Variants in FLT1 observed in about 807,000 individuals in gnomAD.
FLT1 encodes fms related receptor tyrosine kinase 1.
In FLT1, 49 loss-of-function variants were observed where a neutral mutation model predicts 156.3. The observed-to-expected ratio is 0.31, with a 90% CI of 0.25 to 0.40. The LOEUF is 0.40. FLT1 is among the 10% of genes least tolerant of loss of function. The pLI, the probability that FLT1 is intolerant of heterozygous loss-of-function variation, is 1.00. For synonymous variants in FLT1, 594 were observed against 583.8 expected, an observed-to-expected ratio of 1.02 and a Z score of -0.25; for missense variants, 1,322 against 1,637.2, an observed-to-expected ratio of 0.81 and a Z score of 3.32.
intron 7 of FLT1, 126 bp downstream of exon 7, chr13:28,431,010 G>C: frequency 1.2e-6 from 1 of 850,522 alleles, no homozygotes; most frequent in Admixed American, 1.8e-5. Context: ...GGGAACCATG[G>C]CCAAGCTGTA....
At chr13:28,389,204 AT>A (rs1874551384) in intron 13 of FLT1, 2 of 1,097,148 alleles carry the variant, frequency 1.8e-6, no homozygotes, top group Non-Finnish European at 2.2e-6. Context: ...TCCAGGTGCT[AT>A]TTACAAATCA....
intron 1 of FLT1, among the ~76,000 whole-genome samples, chr13:28,477,319 A>G (rs965450406): frequency 1.3e-5 from 2 of 152,290 alleles, no homozygotes; most frequent in African/African-American, 4.8e-5. Flanking sequence ...ATCAGAGTTA[A>G]TTAAGGTTGG....
rs754931191 is a variant in FLT1 at position 28,322,249 on chromosome 13, C to T, written c.3051+13G>A. Reference sequence around the variant, plus strand: ...CCTGGCAGAGAAGAAAAACAGTAAACAGCAAGACTGACCTTTCTGGAAGAC... The same window carrying T: ...CCTGGCAGAGAAGAAAAACAGTAAATAGCAAGACTGACCTTTCTGGAAGAC... On this transcript the variant is annotated intron_variant, in intron 22 of 29. Transcript: ENST00000282397. This position sits in a 1 kb window ranked among gnomAD's most constrained non-coding sequence, Gnocchi z 4.3. 1 of 1,533,642 alleles carries T rather than the reference C, an allele frequency of 6.5e-7. No homozygotes were observed. The highest frequency in any genetic ancestry group is 1.7e-5 in the Admixed American group (1 of 59,916).
rs187051453 is a variant in FLT1, at chr13:28,312,665, G to A, written c.3387-567C>T. ...CCTCACACCTCCCTTTATGGGCTCA[G>A]CAGTGGAGACTGGTGGGGAAGGTCC... On this transcript the variant is annotated intron_variant, in intron 25 of 29. Transcript: ENST00000282397. Among the ~76,000 whole-genome samples the A allele has an allele frequency of 5.9e-5, 9 of 152,300 alleles. 1 individual carries two copies. The highest frequency in any genetic ancestry group is 2.0e-4 in the Admixed American group (3 of 15,298).
chr13:28,343,175 G>C (rs1276675882), intron 16 of FLT1, among the ~76,000 whole-genome samples: 1 of 152,046 alleles, frequency 6.6e-6, no homozygotes, highest in Non-Finnish European at 1.5e-5. Flanking sequence ...TAGAGACGGG[G>C]TTTCACCATG....
chr13:28,370,560 G>A (rs1028700333), intron 14 of FLT1, among the ~76,000 whole-genome samples: 7 of 152,160 alleles, frequency 4.6e-5, no homozygotes, highest in African/African-American at 1.4e-4. Context: ...AAAAACACAC[G>A]TATTTCTAAA....
chr13:28,485,277 A>G (rs955591664), intron 1 of FLT1, among the ~76,000 whole-genome samples: 2 of 152,010 alleles, frequency 1.3e-5, no homozygotes, highest in Non-Finnish European at 2.9e-5. Context: ...GGCCTCTATG[A>G]TAAGAGCCCC....
intron 1 of FLT1, among the ~76,000 whole-genome samples, chr13:28,476,651 T>C (rs986390632): frequency 6.6e-6 from 1 of 152,210 alleles, no homozygotes; most frequent in Non-Finnish European, 1.5e-5. Flanking sequence ...AACTATTAGA[T>C]TCAATATGTG....
chr13:28,490,029 G>A (rs1169846285), intron 1 of FLT1, among the ~76,000 whole-genome samples: 3 of 152,202 alleles, frequency 2.0e-5, no homozygotes, highest in Non-Finnish European at 2.9e-5. Flanking sequence ...TTCCGTCTGG[G>A]GAAGAGGAAA....
In FLT1 at chr13:28,322,722, A is replaced by C. The variant is rs1484216766; in HGVS notation, c.2953+68T>G. 2.2e-5 allele frequency: 32 copies of C among 1,488,010 alleles called. No homozygotes were observed. The Admixed American group carries it at 2.3e-4, about 11-fold the overall frequency. The allele number at this position is 1,488,010 out of a possible 1,614,324, so 92.2% of individuals were successfully genotyped here. Reference sequence around the variant, plus strand: ...TATTAGAGTGATAAATAAGAAAAAAATTTCAGAGATGCATAGTATGTTGTA... The same window carrying C: ...TATTAGAGTGATAAATAAGAAAAAACTTTCAGAGATGCATAGTATGTTGTA... On this transcript the variant is annotated intron_variant, in intron 21 of 29. Transcript: ENST00000282397. This position sits in a 1 kb window ranked among gnomAD's most constrained non-coding sequence, Gnocchi z 4.3.
chr13:28,388,704 G>A, intron 13 of FLT1: 1 of 1,056,888 alleles, frequency 9.5e-7, no homozygotes, highest in Non-Finnish European at 1.1e-6. Flanking sequence ...TGGGGAAAGT[G>A]GACTTTTTTA....
chr13:28,460,996 T>G (rs1216417876), intron 3 of FLT1, among the ~76,000 whole-genome samples: 1 of 152,160 alleles, frequency 6.6e-6, no homozygotes, highest in African/African-American at 2.4e-5. Context: ...AGGGTTTCAC[T>G]ACGTTGCCCA....
At chr13:28,312,147 T>C (rs764162034) in intron 25 of FLT1, 49 bp from the exon 26 acceptor site, 1 of 1,149,340 alleles carries the variant, frequency 8.7e-7, no homozygotes, top group South Asian at 1.2e-5. Context: ...GTGATCATCC[T>C]ATGCATTGCC....
At chr13:28,387,760 T>C in intron 13 of FLT1, 2 of 1,015,406 alleles carry the variant, frequency 2.0e-6, no homozygotes, top group Non-Finnish European at 2.3e-6. Context: ...CAGGGTAACA[T>C]ACCCCTAGGG....
At chr13:28,318,177 C>T (rs565025140) in intron 24 of FLT1, among the ~76,000 whole-genome samples, 1 of 152,270 alleles carries the variant, frequency 6.6e-6, no homozygotes, top group South Asian at 2.1e-4. Flanking sequence ...ACATAGGAAT[C>T]ATTCACACTT....
At chr13:28,346,666 T>G (rs1565980127) in intron 15 of FLT1, among the ~76,000 whole-genome samples, 2 of 152,106 alleles carry the variant, frequency 1.3e-5, no homozygotes, top group Non-Finnish European at 2.9e-5. Flanking sequence ...GCTATGATTG[T>G]GCCACTGAAC....
chr13:28,428,442 A>T (rs1252802167), intron 8 of FLT1, among the ~76,000 whole-genome samples: 2 of 152,048 alleles, frequency 1.3e-5, no homozygotes, highest in East Asian at 3.9e-4. Context: ...GACTATCAAG[A>T]TTTTTCCTCT....
At chr13:28,431,340 A>G in intron 6 of FLT1, 30 bp from the exon 7 acceptor site, 1 of 1,511,444 alleles carries the variant, frequency 6.6e-7, no homozygotes, top group Non-Finnish European at 9.2e-7. Flanking sequence ...CAAATGTAGA[A>G]GGAGTGAGTG....
intron 10 of FLT1, among the ~76,000 whole-genome samples, chr13:28,416,452 C>G (rs980457225): frequency 3.3e-5 from 5 of 152,184 alleles, no homozygotes; most frequent in African/African-American, 9.6e-5. Flanking sequence ...CTTTCAATTG[C>G]CTGGTTGATG....
Sources: gnomAD v4.1 joint callset for allele counts (sites outside exome capture counted in the v4.1 genomes callset) on GRCh38, gnomAD v4.1.1 for gene constraint, Gnocchi (gnomAD v3.1) non-coding constraint, MANE v1.5 for transcripts, NCBI Gene and HGNC (gene_info 2026-07-23, HGNC 2026-07-21) for gene names.